RMST: variants seen among roughly 807,000 people sequenced by gnomAD.
RMST encodes rhabdomyosarcoma 2 associated transcript.
chr12:97,526,699 CTATT>C lies in RMST; in HGVS notation n.1341-3951_1341-3948del, dbSNP rs1321335864. ...TTAATTCTTAAAAATCTAGAGGAAGCTATTTATTACTATTATTATTGTTGTTGTT... is the reference window on the plus strand; with the variant it reads ...TTAATTCTTAAAAATCTAGAGGAAGCTATTACTATTATTATTGTTGTTGTT... On this transcript the variant is annotated intron_variant and non_coding_transcript_variant, in intron 10 of 13. Coordinates refer to ENST00000640149, the Ensembl canonical transcript of RMST. Among the ~76,000 whole-genome samples, 10 of 152,134 alleles carry C rather than the reference CTATT, an allele frequency of 6.6e-5. No homozygotes were observed. The East Asian group carries it at 1.9e-3, about 29-fold the overall frequency.
chr12:97,562,753 T>C (rs1884214831), intron 13 of RMST, among the ~76,000 whole-genome samples: 1 of 152,230 alleles, frequency 6.6e-6, no homozygotes, highest in Non-Finnish European at 1.5e-5. Flanking sequence ...AATTTATGTA[T>C]GCACTTCCTT....
intron 11 of RMST, among the ~76,000 whole-genome samples, chr12:97,551,531 C>T (rs1274167714): frequency 2.0e-5 from 3 of 152,120 alleles, no homozygotes; most frequent in Non-Finnish European, 2.9e-5. Context: ...TCTGGCCATT[C>T]CACTCTTCGC....
At chr12:97,558,304 A>T (rs1015303601) in intron 11 of RMST, among the ~76,000 whole-genome samples, 5 of 152,172 alleles carry the variant, frequency 3.3e-5, no homozygotes, top group African/African-American at 1.2e-4. Flanking sequence ...GTTCTGGCCG[A>T]TGGCTTATTT....
chr12:97,521,615 C>T (rs558207594), intron 10 of RMST, among the ~76,000 whole-genome samples: 2 of 152,240 alleles, frequency 1.3e-5, no homozygotes, highest in East Asian at 3.9e-4. Context: ...AAGTATCTCT[C>T]AAGCCCCCGC....
At chr12:97,492,077 C>A in intron 5 of RMST, 1 of 452,368 alleles carries the variant, frequency 2.2e-6, no homozygotes, top group Admixed American at 2.1e-5. Context: ...GGTTAAGATG[C>A]CTGCCTTTTA....
intron 11 of RMST, among the ~76,000 whole-genome samples, chr12:97,555,981 T>A (rs2136661805): frequency 1.3e-5 from 2 of 152,328 alleles, no homozygotes; most frequent in Middle Eastern, 6.8e-3. Context: ...ATCTAATCTT[T>A]CTTCCCCCTT....
chr12:97,481,827 T>C (rs1875326105), intron 5 of RMST, among the ~76,000 whole-genome samples: 1 of 152,216 alleles, frequency 6.6e-6, no homozygotes, highest in Non-Finnish European at 1.5e-5. Flanking sequence ...CATGATATTA[T>C]AAATATTTCC....
At position 97,466,567 on chromosome 12, in the gene RMST, G is replaced by A. The variant is rs78395923; in HGVS notation, n.644+840G>A. ...TTTCAAAGGATCTAAGTGAATGGTG[G>A]ATAGTGCTCAATTTCCTGAAATGAT... On this transcript the variant is annotated intron_variant and non_coding_transcript_variant, in intron 5 of 13. Coordinates refer to ENST00000640149, the Ensembl canonical transcript of RMST. Among the ~76,000 whole-genome samples the A allele has an allele frequency of 4.1e-3, 624 of 152,184 alleles. 7 individuals are homozygous for A. Among genetic ancestry groups the A allele is most frequent in the African/African-American group, 0.014 (601 of 41,534 alleles).
intron 11 of RMST, among the ~76,000 whole-genome samples, chr12:97,535,322 G>A (rs543703256): frequency 7.3e-5 from 11 of 151,712 alleles, no homozygotes; most frequent in East Asian, 3.9e-4. Flanking sequence ...TACGCTATTC[G>A]TATTAAAATT....
At chr12:97,556,801 C>A (rs931597464) in intron 11 of RMST, among the ~76,000 whole-genome samples, 1 of 152,068 alleles carries the variant, frequency 6.6e-6, no homozygotes, top group Non-Finnish European at 1.5e-5. Flanking sequence ...TTCTTGTACA[C>A]TAATTATCAA....
At chr12:97,548,892 A>G (rs1883126601) in intron 11 of RMST, among the ~76,000 whole-genome samples, 1 of 152,198 alleles carries the variant, frequency 6.6e-6, no homozygotes, top group African/African-American at 2.4e-5. Context: ...TTGAATTTTT[A>G]AAATAAATAA....
intron 11 of RMST, among the ~76,000 whole-genome samples, chr12:97,538,673 T>G (rs901907669): frequency 3.3e-5 from 5 of 151,598 alleles, no homozygotes; most frequent in Non-Finnish European, 5.9e-5. Context: ...GGGGTGATTT[T>G]CATGATGCAA....
chr12:97,501,847 A>C (rs1878111087), intron 10 of RMST, among the ~76,000 whole-genome samples: 1 of 152,182 alleles, frequency 6.6e-6, no homozygotes, highest in Non-Finnish European at 1.5e-5. Context: ...ATGACGCAAA[A>C]GTTGCTATTT....
rs188219936 is a variant in RMST at position 97,541,909 on chromosome 12, G to T, written n.1545+11050G>T. ...ACTATAGGAACATAAAACGTGCAAG[G>T]CACAATGTCTTCCAGGATCCTAAAT... On this transcript the variant is annotated intron_variant and non_coding_transcript_variant, in intron 11 of 13. Coordinates refer to ENST00000640149, the Ensembl canonical transcript of RMST. 3.3e-5 allele frequency among the ~76,000 whole-genome samples: 5 copies of T among 151,900 alleles called. No individual in the cohort carries two copies. The East Asian group carries it at 7.7e-4, about 24-fold the overall frequency.
chr12:97,562,972 G>C (rs1884236832), intron 13 of RMST, among the ~76,000 whole-genome samples: 1 of 152,184 alleles, frequency 6.6e-6, no homozygotes, highest in African/African-American at 2.4e-5. Context: ...TCGGGAGTTG[G>C]TAGATAGGCA....
intron 5 of RMST, among the ~76,000 whole-genome samples, chr12:97,474,052 A>G (rs12316882): frequency 0.04 from 6,057 of 152,110 alleles, 399 homozygotes; most frequent in African/African-American, 0.14. Flanking sequence ...CCTAGTAGAC[A>G]TTTCTTATTG....
intron 10 of RMST, among the ~76,000 whole-genome samples, chr12:97,526,343 C>G (rs530079786): frequency 3.8e-4 from 58 of 152,166 alleles, no homozygotes; most frequent in Non-Finnish European, 7.2e-4. Context: ...ATCGGTACTC[C>G]TACTTATACT....
At chr12:97,502,315 T>C (rs1446357989) in intron 10 of RMST, among the ~76,000 whole-genome samples, 1 of 152,228 alleles carries the variant, frequency 6.6e-6, no homozygotes, top group Non-Finnish European at 1.5e-5. Flanking sequence ...TATTCATTTA[T>C]GGAGTGCACA....
At chr12:97,488,962 T>G (rs1192989844) in intron 5 of RMST, among the ~76,000 whole-genome samples, 1 of 152,160 alleles carries the variant, frequency 6.6e-6, no homozygotes, top group Non-Finnish European at 1.5e-5. Context: ...TTGAGAAGTA[T>G]GCATAAAAAA....
Sources: allele counts gnomAD v4.1 joint callset (sites outside exome capture counted in the v4.1 genomes callset), GRCh38; gene constraint gnomAD v4.1.1; transcripts MANE v1.5; gene names NCBI Gene and HGNC (gene_info 2026-07-23, HGNC 2026-07-21).